The following IPO11 variants were observed in gnomAD, a reference collection of about 807,000 sequenced individuals.
IPO11 encodes the protein importin-11.
In IPO11, 66 loss-of-function variants were observed where a neutral mutation model predicts 143.2. The observed-to-expected ratio is 0.46, with a 90% CI of 0.38 to 0.57. IPO11 has a LOEUF of 0.57. Among genes scored for constraint, IPO11 ranks in the 20% least tolerant of loss-of-function variants. IPO11 has a pLI of 0.00. For missense variants in IPO11, 1,026 were observed against 1,141.0 expected (o/e 0.90, Z 1.45); for synonymous variants, 385 against 377.8 (o/e 1.02, Z -0.22).
intron 29 of IPO11, among the ~76,000 whole-genome samples, chr5:62,617,037 T>C (rs1746168201): frequency 6.6e-6 from 1 of 152,194 alleles, no homozygotes; most frequent in African/African-American, 2.4e-5. Context: ...CTTCACCTGA[T>C]ACTTGACCTT....
chr5:62,504,541 A>T, intron 16 of IPO11, 126 bp from the exon 17 acceptor site: 1 of 582,474 alleles, frequency 1.7e-6, no homozygotes, highest in South Asian at 2.3e-5. Flanking sequence ...CTGAATATTT[A>T]CATGGTCTGT....
chr5:62,450,042 G>T, intron 4 of IPO11, 43 bp downstream of exon 4: 2 of 1,279,334 alleles, frequency 1.6e-6, no homozygotes, highest in Non-Finnish European at 2.2e-6. Flanking sequence ...TATTTGTACT[G>T]CTTTTCCAAA....
chr5:62,425,821 G>T (rs994348782), intron 1 of IPO11, among the ~76,000 whole-genome samples: 1 of 152,176 alleles, frequency 6.6e-6, no homozygotes, highest in African/African-American at 2.4e-5. Flanking sequence ...AATAGGTGGA[G>T]CCTAATGGAA....
intron 29 of IPO11, among the ~76,000 whole-genome samples, chr5:62,626,132 C>A (rs1007358545): frequency 2.0e-5 from 3 of 152,058 alleles, no homozygotes; most frequent in African/African-American, 7.2e-5. Flanking sequence ...CAGATTCAGG[C>A]GATTCTCCTG....
chr5:62,617,006 T>C (rs999007135), intron 29 of IPO11, among the ~76,000 whole-genome samples: 6 of 152,222 alleles, frequency 3.9e-5, no homozygotes, highest in Admixed American at 3.9e-4. Context: ...TTCCTCTTTA[T>C]AGCACCTGCA....
rs1214176867 is a variant in IPO11 at position 62,598,391 on chromosome 5, G to GCTTTCTTTCTTT, written c.2679-3342_2679-3331dup. Among the ~76,000 whole-genome samples, 8 of 36,506 alleles carry GCTTTCTTTCTTT rather than the reference G, an allele frequency of 2.2e-4. 1 individual carries two copies. The highest frequency in any genetic ancestry group is 1.1e-3 in the South Asian group (1 of 928). 23.9% of individuals were successfully genotyped at this position (36,506 alleles called of 152,430 possible). ...CCATAAATTGTTTGCTTGCTTGCTT[G>GCTTTCTTTCTTT]CTTTCTTTCTTTCTTTCTTTCTTTC... On this transcript the variant is annotated intron_variant, in intron 28 of 29. Coordinates refer to ENST00000325324, the MANE Select transcript of IPO11 (RefSeq NM_016338.5).
intron 29 of IPO11, among the ~76,000 whole-genome samples, chr5:62,622,978 T>C (rs1409063922): frequency 6.6e-6 from 1 of 152,234 alleles, no homozygotes; most frequent in Non-Finnish European, 1.5e-5. Flanking sequence ...ATTGAGCTTG[T>C]ATTGCTGCGC....
At chr5:62,574,519 A>G (rs1004156906) in intron 27 of IPO11, among the ~76,000 whole-genome samples, 1 of 152,244 alleles carries the variant, frequency 6.6e-6, no homozygotes, top group African/African-American at 2.4e-5. Context: ...GGATAGGGTC[A>G]GAAGAGAGAT....
chr5:62,590,787 T>C (rs985549734), intron 27 of IPO11, among the ~76,000 whole-genome samples: 1 of 152,188 alleles, frequency 6.6e-6, no homozygotes, highest in African/African-American at 2.4e-5. Context: ...TTTTTTAAAA[T>C]TTCATTGCAA....
At chr5:62,535,613 A>G (rs1742708872) in intron 22 of IPO11, among the ~76,000 whole-genome samples, 1 of 152,046 alleles carries the variant, frequency 6.6e-6, no homozygotes, top group Non-Finnish European at 1.5e-5. Context: ...TCTTATCCTC[A>G]TTTTTTAAAA....
At chr5:62,608,975 AATG>A (rs1313389603) in intron 29 of IPO11, among the ~76,000 whole-genome samples, 2 of 152,030 alleles carry the variant, frequency 1.3e-5, no homozygotes, top group African/African-American at 2.4e-5. Context: ...TCTTTTCTGG[AATG>A]TTATGCAGTA....
chr5:62,486,672 C>T (rs1746417425), intron 12 of IPO11, among the ~76,000 whole-genome samples: 1 of 152,112 alleles, frequency 6.6e-6, no homozygotes, highest in Non-Finnish European at 1.5e-5. Context: ...GATTCATAAA[C>T]ATACAGTTGT....
rs1038049771 is a variant in IPO11, at chr5:62,437,391, C to G, written c.112C>G (p.Gln38Glu). The change falls in exon 2 of 30, where the codon CAG becomes GAG. Residue 38 changes from glutamine to glutamate, a missense_variant. This residue lies in a region of IPO11 where 429 missense variants were observed against 456.3 expected (regional missense o/e 0.94). Coordinates refer to ENST00000325324, the MANE Select transcript of IPO11 (RefSeq NM_016338.5). ...GGAGCAGTTGAAGCAGTGGGAGACA[C>G]AGCCAGGTTTCTATTCAGTGTTGCT... ...AEEQLKQWET[Q>E]PGFYSVLLNI... 6.2e-7 allele frequency: 1 copy of G among 1,610,876 alleles called. No individual in the cohort carries two copies. Among genetic ancestry groups the G allele is most frequent in the Non-Finnish European group, 8.5e-7 (1 of 1,178,352 alleles).
At chr5:62,431,136 G>A (rs977920145) in intron 1 of IPO11, among the ~76,000 whole-genome samples, 9 of 151,608 alleles carry the variant, frequency 5.9e-5, no homozygotes, top group African/African-American at 2.2e-4. Flanking sequence ...GCTACGGTAC[G>A]CCTGGCTAAT....
chr5:62,525,900 G>A (rs896455117), intron 20 of IPO11, among the ~76,000 whole-genome samples: 2 of 152,204 alleles, frequency 1.3e-5, no homozygotes, highest in Non-Finnish European at 1.5e-5. Flanking sequence ...ATGAACAGAT[G>A]TATGTAGCCT....
intron 20 of IPO11, among the ~76,000 whole-genome samples, chr5:62,520,059 G>C (rs1189753697): frequency 6.6e-6 from 1 of 152,196 alleles, no homozygotes; most frequent in Non-Finnish European, 1.5e-5. Context: ...TATGCCACTA[G>C]CTAGAAAATA....
chr5:62,419,297 C>T (rs556905936), intron 1 of IPO11, among the ~76,000 whole-genome samples: 1 of 152,132 alleles, frequency 6.6e-6, no homozygotes, highest in African/African-American at 2.4e-5. Flanking sequence ...AAAGTGAAGG[C>T]CTAGGGCATT....
chr5:62,459,556 C>T (rs1171650924), intron 5 of IPO11, among the ~76,000 whole-genome samples: 5 of 148,638 alleles, frequency 3.4e-5, no homozygotes. Flanking sequence ...TATACTTAAG[C>T]CTTTTTTTTT....
intron 29 of IPO11, among the ~76,000 whole-genome samples, chr5:62,603,079 CAT>C (rs1160297783): frequency 1.3e-5 from 2 of 152,120 alleles, no homozygotes; most frequent in Admixed American, 6.5e-5. Flanking sequence ...AGCAGAAAAA[CAT>C]ATAATGAACC....
Sources: gnomAD v4.1 joint callset for allele counts (sites outside exome capture counted in the v4.1 genomes callset) on GRCh38, gnomAD v4.1.1 for gene constraint, gnomAD v4.1.1 regional missense constraint, MANE v1.5 for transcripts, NCBI Gene and HGNC (gene_info 2026-07-23, HGNC 2026-07-21) for gene names.